Variants in IL4R observed in about 807,000 individuals in gnomAD.
IL4R encodes interleukin 4 receptor.
Under a neutral mutation model 41.5 loss-of-function variants are expected in IL4R, and 17 were observed. That is an observed-to-expected ratio of 0.41 (90% CI 0.28 to 0.61). The LOEUF (loss-of-function observed/expected upper bound fraction) is 0.61. Ranked by LOEUF, IL4R falls within the 20% of genes least tolerant of loss-of-function variation. The pLI is 0.31. For synonymous variants in IL4R, 402 were observed against 422.9 expected (o/e 0.95, Z 0.61); for missense variants, 974 against 1,043.1 (o/e 0.93, Z 0.91).
In IL4R at chr16:27,362,640, T is replaced by C. The variant is rs1228595826; in HGVS notation, c.1288T>C (p.Ser430Pro). 3.1e-6 allele frequency: 5 copies of C among 1,612,274 alleles called. No individual in the cohort carries two copies. In the Middle Eastern group the frequency reaches 6.6e-4, roughly 213 times the overall value. The change falls in exon 11 of 11, where the codon TCA becomes CCA. Residue 430 changes from serine (S) to proline (P), a missense_variant. By Grantham distance (74) the Ser-to-Pro change is moderately conservative. Coordinates refer to ENST00000395762, the MANE Select transcript of IL4R (RefSeq NM_000418.4). ...CTTTTGCCAGCAGGACATGGGGGAG[T>C]CATGCCTTCTTCCACCTTCGGGAAG... Reference protein sequence around the residue: ...GGFCQQDMGESCLLPPSGSTS... With the variant: ...GGFCQQDMGEPCLLPPSGSTS...
chr16:27,334,452 G>T (rs1478057401), intron 2 of IL4R: 1 of 152,080 alleles, frequency 6.6e-6, no homozygotes, highest in Non-Finnish European at 1.5e-5. Context: ...ACAGATTAAG[G>T]ATATCAATCC....
intron 1 of IL4R, among the ~76,000 whole-genome samples, chr16:27,318,219 G>T (rs1345679775): frequency 6.6e-6 from 1 of 152,164 alleles, no homozygotes; most frequent in African/African-American, 2.4e-5. Flanking sequence ...ATCTTTGGGT[G>T]CTTTCCCGCC....
intron 3 of IL4R, among the ~76,000 whole-genome samples, chr16:27,341,514 G>A (rs1385584928): frequency 6.6e-6 from 1 of 152,172 alleles, no homozygotes; most frequent in African/African-American, 2.4e-5. Flanking sequence ...CAAACTCAGT[G>A]TACATCCTGC....
intron 2 of IL4R, among the ~76,000 whole-genome samples, chr16:27,330,718 C>G (rs949250539): frequency 6.6e-6 from 1 of 152,104 alleles, no homozygotes; most frequent in African/African-American, 2.4e-5. Context: ...TGACCCACCC[C>G]CTCAGCCCCT....
chr16:27,352,813 A>AGG, intron 7 of IL4R, 117 bp downstream of exon 7: 16 of 1,040,204 alleles, frequency 1.5e-5, no homozygotes, highest in Non-Finnish European at 2.0e-5. Context: ...CTCTAATGGC[A>AGG]ATCCTGCCAT....
In IL4R at chr16:27,363,319, G is replaced by T; in HGVS notation, c.1967G>T (p.Gly656Val). Reference protein sequence around the residue: ...APVPVPLFTFGLDREPPRSPQ... With the variant: ...APVPVPLFTFVLDREPPRSPQ... ...GTCCCTGTCCCCTTGTTCACCTTTG[G>T]ACTGGACAGGGAGCCACCTCGCAGT... Residue 656 changes from glycine to valine, a missense_variant, in exon 11 of 11, where the codon GGA becomes GTA. Physicochemically the swap from Gly to Val is moderately radical, Grantham distance 109. Coordinates refer to ENST00000395762, the MANE Select transcript of IL4R (RefSeq NM_000418.4). 2 of 1,612,814 alleles carry T rather than the reference G, an allele frequency of 1.2e-6. No individual in the cohort carries two copies. Among genetic ancestry groups the T allele is most frequent in the South Asian group, 1.1e-5 (1 of 90,858 alleles).
chr16:27,351,221 G>C (rs907836112), intron 6 of IL4R, among the ~76,000 whole-genome samples: 14 of 152,198 alleles, frequency 9.2e-5, no homozygotes, highest in Admixed American at 9.2e-4. Flanking sequence ...CGTGCTGGCT[G>C]TTGGTTGTAG....
intron 6 of IL4R, among the ~76,000 whole-genome samples, chr16:27,347,426 G>T (rs553337116): frequency 6.3e-4 from 96 of 152,264 alleles, no homozygotes; most frequent in African/African-American, 2.2e-3. Flanking sequence ...CCTGACCTCA[G>T]ATGATCCACT....
intron 2 of IL4R, among the ~76,000 whole-genome samples, chr16:27,335,632 G>A (rs546767092): frequency 6.7e-4 from 102 of 152,154 alleles, no homozygotes; most frequent in Non-Finnish European, 1.2e-3. Flanking sequence ...CTCAAAATGT[G>A]CCTGTTTTGT....
At chr16:27,313,809 G>T, upstream of IL4R, 1 of 623,174 alleles carries the variant, frequency 1.6e-6, no homozygotes, top group Non-Finnish European at 2.0e-6. Flanking sequence ...ACAGCGACAG[G>T]GGCGCGAGGT....
At chr16:27,355,225 G>T in intron 7 of IL4R, 2 of 294,842 alleles carry the variant, frequency 6.8e-6, no homozygotes, top group Non-Finnish European at 7.1e-6. Flanking sequence ...CAGAGGAAGG[G>T]GATGGAGCGA....
At chr16:27,346,156 T>C (rs1387946994) in intron 5 of IL4R, among the ~76,000 whole-genome samples, 1 of 150,476 alleles carries the variant, frequency 6.6e-6, no homozygotes, top group Non-Finnish European at 1.5e-5. Flanking sequence ...CCCTGGGCTA[T>C]TGAGGCTGCA....
chr16:27,363,930 C>T lies in IL4R; in HGVS notation c.*100C>T. ...GAAGGCAGCCAGGCTGGCAGATTTC[C>T]AAAAGACTTGAAGAACCATGGTATG... On this transcript the variant is annotated 3_prime_UTR_variant, in exon 11 of 11. Transcript: ENST00000395762. 2.2e-6 allele frequency: 3 copies of T among 1,377,188 alleles called. No homozygotes were observed. Among genetic ancestry groups the T allele is most frequent in the Admixed American group, 2.1e-5 (1 of 46,550 alleles). 85.3% of individuals were successfully genotyped at this position (1,377,188 alleles called of 1,614,324 possible).
At chr16:27,349,501 G>A (rs2085787479) in intron 6 of IL4R, among the ~76,000 whole-genome samples, 1 of 152,178 alleles carries the variant, frequency 6.6e-6, no homozygotes, top group Non-Finnish European at 1.5e-5. Flanking sequence ...GGAAAGAAGG[G>A]AACGGTAGAC....
At chr16:27,340,060 AAAAC>A (rs2085390538) in intron 2 of IL4R, 122 bp from the exon 3 acceptor site, 9 of 660,410 alleles carry the variant, frequency 1.4e-5, no homozygotes, top group Non-Finnish European at 2.1e-5. Flanking sequence ...CTGTCTCGGA[AAAAC>A]AAACAAACAA....
intron 2 of IL4R, among the ~76,000 whole-genome samples, chr16:27,337,415 C>T (rs1423530917): frequency 1.3e-5 from 2 of 152,086 alleles, no homozygotes; most frequent in Non-Finnish European, 2.9e-5. Context: ...AAGAGAAATG[C>T]TGTTAATGGC....
rs748245223 is a variant in IL4R at position 27,363,275 on chromosome 16, C to T, written c.1923C>T (p.Cys641=). Residue 641 remains cysteine, a synonymous_variant, in exon 11 of 11, where the codon TGC becomes TGT. Coordinates refer to ENST00000395762, the MANE Select transcript of IL4R (RefSeq NM_000418.4). ...CTTTCCAAGACCTCATTCCTGGCTGCCCTGGGGACCCTGCCCCAGTCCCTG... is the reference window on the plus strand; with the variant it reads ...CTTTCCAAGACCTCATTCCTGGCTGTCCTGGGGACCCTGCCCCAGTCCCTG... ...YKPFQDLIPG[C]PGDPAPVPVP... 1.9e-6 allele frequency: 3 copies of T among 1,602,142 alleles called. No individual in the cohort carries two copies. The highest frequency in any genetic ancestry group is 1.7e-6 in the Non-Finnish European group (2 of 1,173,392).
At chr16:27,330,775 G>A (rs1231137042) in intron 2 of IL4R, among the ~76,000 whole-genome samples, 1 of 152,054 alleles carries the variant, frequency 6.6e-6, no homozygotes, top group Non-Finnish European at 1.5e-5. Context: ...GTGATTTCAA[G>A]TATGTTACAT....
chr16:27,362,213 G>C, intron 10 of IL4R, 39 bp from the exon 11 acceptor site: 2 of 1,593,254 alleles, frequency 1.3e-6, no homozygotes, highest in Non-Finnish European at 8.6e-7. Context: ...AGTTTTTCAA[G>C]TGTCGAAACT....
Sources: gnomAD v4.1 joint callset for allele counts (sites outside exome capture counted in the v4.1 genomes callset) on GRCh38, gnomAD v4.1.1 for gene constraint, MANE v1.5 for transcripts, NCBI Gene and HGNC (gene_info 2026-07-23, HGNC 2026-07-21) for gene names.